Variants in PDE1C observed in about 807,000 individuals in gnomAD.
The protein encoded by PDE1C is dual specificity calcium/calmodulin-dependent 3',5'-cyclic nucleotide phosphodiesterase 1C.
PDE1C carries 62 observed loss-of-function variants against 93.1 expected under a neutral mutation model. That is an observed-to-expected ratio of 0.67 (90% confidence interval 0.54 to 0.82). The LOEUF (loss-of-function observed/expected upper bound fraction) is 0.82, where lower values mean the gene tolerates loss of function less well. Ranked by LOEUF, PDE1C falls within the 40% of genes least tolerant of loss-of-function variation. PDE1C has a pLI of 0.00. For synonymous variants in PDE1C, 325 were observed against 310.1 expected, an observed-to-expected ratio of 1.05 and a Z score of -0.50; for missense variants, 742 against 884.6, an observed-to-expected ratio of 0.84 and a Z score of 2.04.
chr7:32,125,418 T>C (rs1392728846), intron 3 of PDE1C, among the ~76,000 whole-genome samples: 2 of 152,124 alleles, frequency 1.3e-5, no homozygotes, highest in Non-Finnish European at 2.9e-5. Flanking sequence ...TGCATGTACA[T>C]GTATGTTCAC....
At chr7:32,118,838 C>A (rs1333677147) in intron 3 of PDE1C, among the ~76,000 whole-genome samples, 1 of 152,184 alleles carries the variant, frequency 6.6e-6, no homozygotes, top group Non-Finnish European at 1.5e-5. Flanking sequence ...TCAGATGGGA[C>A]TTTCAAACCA....
chr7:32,047,876 A>G (rs953952285), intron 2 of PDE1C, among the ~76,000 whole-genome samples: 2 of 152,216 alleles, frequency 1.3e-5, no homozygotes, highest in African/African-American at 4.8e-5. Flanking sequence ...TATATCACTT[A>G]GTTTTCCTAT....
chr7:31,656,530 A>AGC, the PDE1C span: 1 of 810,144 alleles, frequency 1.2e-6, no homozygotes, highest in Non-Finnish European at 1.4e-6. Context: ...TGTTGAAAAG[A>AGC]ACTGTTAGCA....
chr7:32,242,230 A>G (rs2128870282), intron 1 of PDE1C, among the ~76,000 whole-genome samples: 1 of 152,312 alleles, frequency 6.6e-6, no homozygotes. Flanking sequence ...CATGAAAACA[A>G]AATGGGTAAG....
rs181831269 is a variant in PDE1C, at chr7:31,928,763, T to C, written c.129-47903A>G. Among the ~76,000 whole-genome samples the C allele has an allele frequency of 1.3e-3, 204 of 152,214 alleles. 1 individual carries two copies. Among genetic ancestry groups the C allele is most frequent in the African/African-American group, 4.7e-3 (196 of 41,528 alleles). On this transcript the variant is annotated intron_variant, in intron 2 of 17. Transcript: ENST00000396191. ...GGGATTTTATCACCACCAGCCTGCC[T>C]CACAAGAGCTCCTGAAGGAAGCACT...
intron 9 of PDE1C, among the ~76,000 whole-genome samples, chr7:31,842,731 T>A (rs893520872): frequency 3.3e-5 from 5 of 151,998 alleles, no homozygotes; most frequent in African/African-American, 1.2e-4. Context: ...TTTTTTCTTT[T>A]TATTTTTTCT....
the PDE1C span, among the ~76,000 whole-genome samples, chr7:31,629,393 C>T: frequency 6.6e-6 from 1 of 152,136 alleles, no homozygotes; most frequent in African/African-American, 2.4e-5. Context: ...CTGATTACTC[C>T]ATGCCACGAA....
chr7:31,820,267 T>C (rs1788799270), intron 14 of PDE1C, among the ~76,000 whole-genome samples: 1 of 152,028 alleles, frequency 6.6e-6, no homozygotes, highest in Non-Finnish European at 1.5e-5. Context: ...TAGTTATATA[T>C]GTCTAGAGAG....
intron 1 of PDE1C, among the ~76,000 whole-genome samples, chr7:32,239,470 T>C (rs1277220262): frequency 6.6e-6 from 1 of 152,088 alleles, no homozygotes; most frequent in African/African-American, 2.4e-5. Context: ...AACAAAATAC[T>C]AGTATACAAA....
Position 32,054,719 on chromosome 7 carries a change from A to G in PDE1C, c.102-3139T>C, listed in dbSNP as rs555181161. Among the ~76,000 whole-genome samples the G allele has an allele frequency of 3.9e-5, 6 of 152,286 alleles. No homozygotes were observed. In the South Asian group the frequency reaches 8.3e-4, roughly 21 times the overall value. ...TTCATAGATATATTCTTAGCTTCAGATATTGTAAAGTTTCCCCCTTCAATC... is the reference window on the plus strand; with the variant it reads ...TTCATAGATATATTCTTAGCTTCAGGTATTGTAAAGTTTCCCCCTTCAATC... On this transcript the variant is annotated intron_variant, in intron 1 of 17. Transcript: ENST00000396191.
At chr7:32,388,028 A>C (rs1261085072) in intron 1 of PDE1C, among the ~76,000 whole-genome samples, 1 of 152,218 alleles carries the variant, frequency 6.6e-6, no homozygotes, top group African/African-American at 2.4e-5. Context: ...TAACAGTTTA[A>C]TGTTACCTCC....
At chr7:31,856,119 G>T (rs932691287) in intron 7 of PDE1C, among the ~76,000 whole-genome samples, 1 of 152,196 alleles carries the variant, frequency 6.6e-6, no homozygotes, top group African/African-American at 2.4e-5. Context: ...TTGAAGCCCA[G>T]ACACCACTTT....
intron 7 of PDE1C, among the ~76,000 whole-genome samples, chr7:31,857,106 A>T (rs1794120588): frequency 6.6e-6 from 1 of 152,176 alleles, no homozygotes; most frequent in South Asian, 2.1e-4. Context: ...CTCTCCAAAT[A>T]CAGTCCCATT....
chr7:32,064,342 T>A (rs1361446525), intron 1 of PDE1C, among the ~76,000 whole-genome samples: 1 of 152,180 alleles, frequency 6.6e-6, no homozygotes, highest in Non-Finnish European at 1.5e-5. Flanking sequence ...ATCTCCATAG[T>A]CCCTAACGAG....
At chr7:31,919,217 T>C (rs1248395870) in intron 2 of PDE1C, among the ~76,000 whole-genome samples, 2 of 152,110 alleles carry the variant, frequency 1.3e-5, no homozygotes, top group Non-Finnish European at 2.9e-5. Context: ...GCATATCAAA[T>C]AAATATTTAG....
At chr7:31,733,484 G>A in the PDE1C span, among the ~76,000 whole-genome samples, 1 of 152,170 alleles carries the variant, frequency 6.6e-6, no homozygotes, top group South Asian at 2.1e-4. Flanking sequence ...AGATAAAGAG[G>A]CTGACGTGCA....
intron 2 of PDE1C, among the ~76,000 whole-genome samples, chr7:31,884,778 A>G (rs1454260879): frequency 7.2e-5 from 11 of 152,162 alleles, no homozygotes; most frequent in African/African-American, 2.7e-4. Flanking sequence ...AAGAGTTTCA[A>G]ATTAGCTCTT....
intron 2 of PDE1C, among the ~76,000 whole-genome samples, chr7:31,927,778 C>T (rs964421860): frequency 6.6e-6 from 1 of 152,122 alleles, no homozygotes; most frequent in African/African-American, 2.4e-5. Context: ...AAAACCCCAT[C>T]CAAAGGCCAT....
At chr7:31,695,718 T>G in the PDE1C span, 1 of 1,330,082 alleles carries the variant, frequency 7.5e-7, no homozygotes, top group Non-Finnish European at 1.0e-6. Context: ...TCAGGTATTT[T>G]AAAGTAATTT....
Sources: gnomAD v4.1 joint callset for allele counts (sites outside exome capture counted in the v4.1 genomes callset) on GRCh38, gnomAD v4.1.1 for gene constraint, MANE v1.5 for transcripts, NCBI Gene and HGNC (gene_info 2026-07-23, HGNC 2026-07-21) for gene names.